The following C10orf67 variants were observed in gnomAD, a reference collection of about 807,000 sequenced individuals.
C10orf67 encodes uncharacterized protein C10orf67, mitochondrial.
Under a neutral mutation model 35.6 loss-of-function variants are expected in C10orf67, and 60 were observed. The observed-to-expected ratio is 1.68, with a 90% confidence interval of 1.37 to 2.09. C10orf67 has a LOEUF of 2.09. C10orf67 is among the 30% of genes most tolerant of loss of function. The pLI, the probability that C10orf67 is intolerant of heterozygous loss-of-function variation, is 0.00. For synonymous variants in C10orf67, 167 were observed against 115.8 expected, an observed-to-expected ratio of 1.44 and a Z score of -2.84; for missense variants, 474 against 330.2, an observed-to-expected ratio of 1.44 and a Z score of -3.38.
At chr10:23,276,448 A>G (rs1019621299) in intron 8 of C10orf67, among the ~76,000 whole-genome samples, 1 of 152,024 alleles carries the variant, frequency 6.6e-6, no homozygotes, top group Non-Finnish European at 1.5e-5. Flanking sequence ...GGAAGCTCCC[A>G]TTGTCATATA....
intron 1 of C10orf67, among the ~76,000 whole-genome samples, chr10:23,335,380 AT>A (rs1361549190): frequency 1.3e-5 from 2 of 152,176 alleles, no homozygotes; most frequent in Non-Finnish European, 2.9e-5. Context: ...CATTAGATAA[AT>A]TACTAAACCT....
chr10:23,332,675 C>CA (rs57837146), intron 2 of C10orf67, among the ~76,000 whole-genome samples: 30,598 of 134,640 alleles, frequency 0.23, 3,363 homozygotes, highest in African/African-American at 0.29. Flanking sequence ...GACACTGTCT[C>CA]AAAAAAAAAA....
At chr10:23,311,404 C>G (rs1414878103) in intron 4 of C10orf67, among the ~76,000 whole-genome samples, 1 of 152,164 alleles carries the variant, frequency 6.6e-6, no homozygotes, top group Non-Finnish European at 1.5e-5. Flanking sequence ...ACTTATCAAA[C>G]ACAGGAGTTT....
chr10:23,279,073 G>A (rs1011356048), intron 8 of C10orf67, among the ~76,000 whole-genome samples: 7 of 152,134 alleles, frequency 4.6e-5, no homozygotes, highest in East Asian at 1.9e-4. Context: ...GCAATATAGC[G>A]AGGCCCTGTC....
At chr10:23,333,611 ATT>A (rs1845561664) in intron 1 of C10orf67, among the ~76,000 whole-genome samples, 1 of 152,200 alleles carries the variant, frequency 6.6e-6, no homozygotes, top group East Asian at 1.9e-4. Context: ...GTGAGATCAA[ATT>A]AATTTTATAA....
intron 5 of C10orf67, among the ~76,000 whole-genome samples, chr10:23,297,370 G>A (rs756488624): frequency 4.6e-5 from 7 of 152,020 alleles, no homozygotes; most frequent in Admixed American, 2.6e-4. Flanking sequence ...GTGTTCCCTC[G>A]GAAGTTAGGA....
chr10:23,308,090 C>A (rs1012843762), intron 4 of C10orf67, among the ~76,000 whole-genome samples: 1 of 152,160 alleles, frequency 6.6e-6, no homozygotes, highest in African/African-American at 2.4e-5. Context: ...GAGTTCAACA[C>A]CTTCACTGTC....
At chr10:23,342,790 C>T (rs148681239) in intron 1 of C10orf67, among the ~76,000 whole-genome samples, 2 of 152,224 alleles carry the variant, frequency 1.3e-5, no homozygotes, top group African/African-American at 4.8e-5. Flanking sequence ...CTGGGGAAGC[C>T]CAGCCCAGGA....
intron 13 of C10orf67, among the ~76,000 whole-genome samples, chr10:23,234,753 G>A (rs1464027238): frequency 2.7e-5 from 4 of 150,774 alleles, no homozygotes; most frequent in Non-Finnish European, 3.0e-5. Context: ...AGTGGCTCAC[G>A]CCTGTAATCC....
At chr10:23,276,784 T>C (rs936612395) in intron 8 of C10orf67, among the ~76,000 whole-genome samples, 1 of 152,174 alleles carries the variant, frequency 6.6e-6, no homozygotes, top group Non-Finnish European at 1.5e-5. Context: ...AATTTCCTTA[T>C]GTGGAAATTT....
At chr10:23,307,544 T>C (rs1281491782) in intron 4 of C10orf67, among the ~76,000 whole-genome samples, 1 of 151,780 alleles carries the variant, frequency 6.6e-6, no homozygotes, top group Admixed American at 6.6e-5. Flanking sequence ...GAATACTCCA[T>C]ATGACAATAT....
At chr10:23,240,267 A>G (rs1034758697) in intron 12 of C10orf67, among the ~76,000 whole-genome samples, 3 of 152,218 alleles carry the variant, frequency 2.0e-5, no homozygotes, top group Non-Finnish European at 4.4e-5. Flanking sequence ...AAGGCATAGA[A>G]GTAATGGCAA....
chr10:23,211,312 C>T (rs1841299695), intron 15 of C10orf67, among the ~76,000 whole-genome samples: 1 of 152,186 alleles, frequency 6.6e-6, no homozygotes, highest in Admixed American at 6.5e-5. Flanking sequence ...CTTCACAGGA[C>T]GTGTTCCTCT....
chr10:23,289,687 T>G (rs1032208246), intron 7 of C10orf67, among the ~76,000 whole-genome samples: 5 of 152,180 alleles, frequency 3.3e-5, no homozygotes, highest in African/African-American at 1.2e-4. Flanking sequence ...TGGTCAGTGA[T>G]CCCAAACAAA....
chr10:23,264,991 A>C (rs1842848731), intron 10 of C10orf67, among the ~76,000 whole-genome samples: 1 of 152,216 alleles, frequency 6.6e-6, no homozygotes, highest in South Asian at 2.1e-4. Context: ...AATACTTCCC[A>C]AAATCTGGGT....
Position 23,224,536 on chromosome 10 carries a change from T to A in C10orf67, c.1435-718A>T, listed in dbSNP as rs183386923. 2.0e-3 allele frequency among the ~76,000 whole-genome samples: 299 copies of A among 152,260 alleles called. 3 individuals are homozygous for A. Among genetic ancestry groups the A allele is most frequent in the African/African-American group, 5.7e-3 (236 of 41,556 alleles). On this transcript the variant is annotated intron_variant, in intron 13 of 15. Transcript: ENST00000636213. ...GAACAAAGCGGGACGGAGAATGACT[T>A]TGACGAGTTGAGAGAAGAAGGCTTC...
At chr10:23,237,781 T>G (rs1842086055) in intron 13 of C10orf67, among the ~76,000 whole-genome samples, 1 of 152,182 alleles carries the variant, frequency 6.6e-6, no homozygotes, top group South Asian at 2.1e-4. Flanking sequence ...GGTGTGGTGA[T>G]GGGGGCAATG....
intron 1 of C10orf67, among the ~76,000 whole-genome samples, chr10:23,341,632 G>C (rs544710862): frequency 6.6e-6 from 1 of 152,226 alleles, no homozygotes; most frequent in East Asian, 1.9e-4. Flanking sequence ...GTAGTCTAAA[G>C]TCCCTCGCCA....
intron 15 of C10orf67, among the ~76,000 whole-genome samples, chr10:23,215,147 GA>G (rs1841397049): frequency 6.6e-6 from 1 of 152,068 alleles, no homozygotes; most frequent in South Asian, 2.1e-4. Flanking sequence ...GGATTGTCTA[GA>G]AAAAATGTTG....
Sources: allele counts gnomAD v4.1 joint callset (sites outside exome capture counted in the v4.1 genomes callset), GRCh38; gene constraint gnomAD v4.1.1; transcripts MANE v1.5; gene names NCBI Gene and HGNC (gene_info 2026-07-23, HGNC 2026-07-21).